Variants in TBC1D26 observed in about 807,000 individuals in gnomAD.
The protein encoded by TBC1D26 is TBC1 domain family member 26.
Under a neutral mutation model 42.5 loss-of-function variants are expected in TBC1D26, and 19 were observed. The observed-to-expected ratio is 0.45, with a 90% CI of 0.31 to 0.66. TBC1D26 has a LOEUF of 0.66. Among genes scored for constraint, TBC1D26 ranks in the 30% least tolerant of loss-of-function variants. TBC1D26 has a pLI of 0.06. For synonymous variants in TBC1D26, 97 were observed against 123.5 expected, an observed-to-expected ratio of 0.79 and a Z score of 1.42; for missense variants, 228 against 332.6, an observed-to-expected ratio of 0.69 and a Z score of 2.45.
chr17:15,738,901 G>A (rs1967698271), intron 8 of TBC1D26, 71 bp downstream of exon 8: 8 of 1,607,142 alleles, frequency 5.0e-6, no homozygotes, highest in Admixed American at 3.4e-5. Flanking sequence ...TTGTCCCCAG[G>A]GCAGAGGCCA....
chr17:15,739,693 T>C (rs1467272582), intron 8 of TBC1D26, among the ~76,000 whole-genome samples: 7 of 152,262 alleles, frequency 4.6e-5, no homozygotes, highest in South Asian at 2.1e-4. Flanking sequence ...CCGGGAGACG[T>C]TGGCTGCAAA....
At chr17:15,742,094 G>A (rs571452794) in intron 11 of TBC1D26, 58 bp downstream of exon 11, 161 of 1,469,232 alleles carry the variant, frequency 1.1e-4, no homozygotes, top group Middle Eastern at 5.7e-4. Flanking sequence ...TAGGCCAGGG[G>A]AGGCTCAAGT....
intron 11 of TBC1D26, 88 bp from the exon 12 acceptor site, chr17:15,742,326 C>T: frequency 2.2e-6 from 1 of 458,464 alleles, no homozygotes. Flanking sequence ...TGGGTTGTGC[C>T]ATTAAGGAAG....
chr17:15,735,346 A>G lies in TBC1D26; in HGVS notation c.-1-2A>G. The G allele has an allele frequency of 1.2e-6, 2 of 1,613,882 alleles. No homozygotes were observed. Among genetic ancestry groups the G allele is most frequent in the Non-Finnish European group, 1.7e-6 (2 of 1,179,826 alleles). ...GAGCCTTGGGATGACTTTGTCTTGC[A>G]GGATGGAGATGGATGGGGACCCGTA... is the stretch of plus-strand genomic sequence containing the variant. On this transcript the variant is annotated splice_acceptor_variant, in intron 2 of 14. Transcript: ENST00000437605. LOFTEE classifies it low-confidence loss of function (5UTR_SPLICE).
chr17:15,741,217 C>T lies in TBC1D26; in HGVS notation c.642C>T (p.Leu214=), dbSNP rs747696804. Residue 214 remains leucine (L), a synonymous_variant, in exon 10 of 15, where the codon CTC becomes CTT. Coordinates refer to ENST00000437605, the MANE Select transcript of TBC1D26 (RefSeq NM_001388465.1). ...EDAFWALTQL[L]AVFYSPNTAW... ...CTTTCTGGGCGCTTACCCAGTTGCT[C>T]GCTGGTGAGAGGCACTCCCTGTGGG... 3.7e-6 allele frequency: 6 copies of T among 1,613,552 alleles called. No homozygotes were observed. The highest frequency in any genetic ancestry group is 3.3e-5 in the Admixed American group (2 of 59,998).
chr17:15,736,059 C>T (rs1459717932), intron 4 of TBC1D26, among the ~76,000 whole-genome samples: 2 of 151,700 alleles, frequency 1.3e-5, no homozygotes, highest in Admixed American at 1.3e-4. Flanking sequence ...CCTGGCCTGG[C>T]CTCTGGGCAG....
chr17:15,742,370 AG>A, intron 11 of TBC1D26, 43 bp from the exon 12 acceptor site: 1 of 390,088 alleles, frequency 2.6e-6, no homozygotes. Context: ...GGAGGATTTC[AG>A]GGCAGCCCAG....
chr17:15,744,100 T>C (rs983598385), intron 14 of TBC1D26, 143 bp from the exon 15 acceptor site: 2 of 152,058 alleles, frequency 1.3e-5, no homozygotes, highest in African/African-American at 4.8e-5. Flanking sequence ...AAGGGAAATA[T>C]GTGGGGTTGC....
rs200204898 is a variant in TBC1D26, at chr17:15,735,438, G to T, written c.75+15G>T. 2 of 1,608,564 alleles carry T rather than the reference G, an allele frequency of 1.2e-6. No individual in the cohort carries two copies. Among genetic ancestry groups the T allele is most frequent in the Admixed American group, 3.4e-5 (2 of 59,508 alleles). Reference sequence around the variant, plus strand: ...AGTATGAGCAGGTACAAGTTGGGCCGCTCCCTCAAGGGAAGCAGGGCCTCG... The same window carrying T: ...AGTATGAGCAGGTACAAGTTGGGCCTCTCCCTCAAGGGAAGCAGGGCCTCG... On this transcript the variant is annotated intron_variant, in intron 3 of 14. Transcript: ENST00000437605.
rs573692949 is a variant in TBC1D26 at position 15,732,611 on chromosome 17, C to T, written c.-143+227C>T. ...AGAGAGGAGGTGACTGGCCAAGAGA[C>T]CCAGATGTGATCCTGGGCTGTGCTC... is the stretch of plus-strand genomic sequence containing the variant. On this transcript the variant is annotated intron_variant, in intron 1 of 14. Transcript: ENST00000437605. Among the ~76,000 whole-genome samples the T allele has an allele frequency of 4.4e-3, 674 of 151,594 alleles. 2 individuals are homozygous for T. Among genetic ancestry groups the T allele is most frequent in the African/African-American group, 0.015 (635 of 41,264 alleles).
At chr17:15,735,186 T>C (rs959103216) in intron 2 of TBC1D26, 116 bp downstream of exon 2, 164 of 781,086 alleles carry the variant, frequency 2.1e-4, no homozygotes, top group Non-Finnish European at 3.0e-4. Flanking sequence ...TTCAGAGATC[T>C]AGTCAGGGGT....
rs59281733 is a variant in TBC1D26 at position 15,741,077 on chromosome 17, G to A, written c.547-45G>A. 2,606 of 1,601,230 alleles carry A rather than the reference G, an allele frequency of 1.6e-3. 11 individuals carry two copies. The African/African-American group carries it at 0.018, about 11-fold the overall frequency. On this transcript the variant is annotated intron_variant, in intron 9 of 14. Transcript: ENST00000437605. ...ACATAAGTCCTCCCAGGTGGCCTCA[G>A]TCCTCCTAGGTGACATCTTTCCACG...
rs573958321 is a variant in TBC1D26, at chr17:15,733,207, C to T, written c.-143+823C>T. Among the ~76,000 whole-genome samples, 598 of 151,460 alleles carry T rather than the reference C, an allele frequency of 3.9e-3. 16 individuals are homozygous for T. The South Asian group carries it at 0.083, about 21-fold the overall frequency. ...TCAGAAGGCCTGGTCACTGGGAAAACGGTCAGTGAAAGCCTGGCCGGCAGG... is the reference window on the plus strand; with the variant it reads ...TCAGAAGGCCTGGTCACTGGGAAAATGGTCAGTGAAAGCCTGGCCGGCAGG... On this transcript the variant is annotated intron_variant, in intron 1 of 14. Coordinates refer to ENST00000437605, the MANE Select transcript of TBC1D26 (RefSeq NM_001388465.1).
chr17:15,735,414 G>A lies in TBC1D26; in HGVS notation c.66G>A (p.Lys22=). The change falls in exon 3 of 15, where the codon AAG becomes AAA. Residue 22 remains lysine (K), a synonymous_variant. Transcript: ENST00000437605. ...AQGQGNIIIT[K]YEQGHRAGAA... Reference sequence around the variant, plus strand: ...GGCAAGGCAATATCATCATTACTAAGTATGAGCAGGTACAAGTTGGGCCGC... The same window carrying A: ...GGCAAGGCAATATCATCATTACTAAATATGAGCAGGTACAAGTTGGGCCGC... 1 of 1,613,308 alleles carries A rather than the reference G, an allele frequency of 6.2e-7. No individual in the cohort carries two copies. The highest frequency in any genetic ancestry group is 8.5e-7 in the Non-Finnish European group (1 of 1,179,710).
At position 15,742,025 on chromosome 17, in the gene TBC1D26, A is replaced by T; in HGVS notation, c.730A>T (p.Met244Leu). The change falls in exon 11 of 15, where the codon ATG becomes TTG. Residue 244 changes from methionine (M) to leucine (L), a missense_variant. Physicochemically the swap from Met to Leu is conservative, Grantham distance 15. This residue lies in a region of TBC1D26 where 130 missense variants were observed against 168.5 expected (regional missense o/e 0.77). Transcript: ENST00000437605. The stretch of plus-strand genomic sequence containing the variant: ...GCTGCACAAGTCCTTCCCAAAGATC[A>T]TGAGACACCTGGTGAGTGGATGACA... ...QVLHKSFPKI[M>L]RHLGKEGLCI... 6.2e-7 allele frequency: 1 copy of T among 1,613,332 alleles called. No homozygotes were observed.
intron 5 of TBC1D26, 50 bp from the exon 6 acceptor site, chr17:15,737,947 C>T: frequency 6.2e-7 from 1 of 1,613,540 alleles, no homozygotes; most frequent in Non-Finnish European, 8.5e-7. Context: ...CCACGGGCCA[C>T]TGTCAGACGC....
rs1249222128 is a variant in TBC1D26 at position 15,733,989 on chromosome 17, G to A, written c.-142-941G>A. The A allele has an allele frequency of 2.6e-5, 4 of 152,340 alleles. No homozygotes were observed. In the East Asian group the frequency reaches 5.8e-4, roughly 22 times the overall value. The allele number at this position is 152,340 out of a possible 1,614,324, so 9.4% of individuals were successfully genotyped here. ...GGAGGGTCACCCCTGAGCACTCACCGGGTGCATGTTCTGCACTGACGGCGT... is the reference window on the plus strand; with the variant it reads ...GGAGGGTCACCCCTGAGCACTCACCAGGTGCATGTTCTGCACTGACGGCGT... On this transcript the variant is annotated intron_variant, in intron 1 of 14. Coordinates refer to ENST00000437605, the MANE Select transcript of TBC1D26 (RefSeq NM_001388465.1).
In TBC1D26 at chr17:15,740,067, C is replaced by A. The variant is rs529857718; in HGVS notation, c.498-33C>A. The A allele has an allele frequency of 7.5e-4, 1,154 of 1,532,674 alleles. 8 individuals are homozygous for A. The African/African-American group carries it at 0.014, about 19-fold the overall frequency. The allele number at this position is 1,532,674 out of a possible 1,614,324, so 94.9% of individuals were successfully genotyped here. A position where few individuals can be genotyped will look rare whatever the true frequency, so the allele number is the denominator to read the frequency against. ...GAAATTGACAGCGTCTGCACACACA[C>A]AAAAAAAAAACCCTCTTTCCCCTCT... is the stretch of plus-strand genomic sequence containing the variant. On this transcript the variant is annotated intron_variant, in intron 8 of 14. Coordinates refer to ENST00000437605, the MANE Select transcript of TBC1D26 (RefSeq NM_001388465.1).
intron 8 of TBC1D26, among the ~76,000 whole-genome samples, chr17:15,739,510 G>A (rs543845020): frequency 2.7e-4 from 41 of 152,404 alleles, no homozygotes; most frequent in African/African-American, 9.4e-4. Flanking sequence ...TGAGGAAAAG[G>A]AACGAACCCC....
Sources: allele counts gnomAD v4.1 joint callset (sites outside exome capture counted in the v4.1 genomes callset), GRCh38; gene constraint gnomAD v4.1.1; regional missense constraint gnomAD v4.1.1; transcripts MANE v1.5; gene names NCBI Gene and HGNC (gene_info 2026-07-23, HGNC 2026-07-21).